ADCY6: variants seen among roughly 807,000 people sequenced by gnomAD.
The protein encoded by ADCY6 is adenylate cyclase 6.
Under a neutral mutation model 111.6 loss-of-function variants are expected in ADCY6, and 59 were observed. The observed-to-expected ratio is 0.53, with a 90% CI of 0.43 to 0.66. The LOEUF is 0.66. ADCY6 is among the 30% of genes least tolerant of loss of function. ADCY6 has a pLI of 0.00. For missense variants in ADCY6, 1,242 were observed against 1,595.6 expected (o/e 0.78, Z 3.78); for synonymous variants, 576 against 642.9 (o/e 0.90, Z 1.57).
At chr12:48,787,677 C>T (rs1320865828) in intron 1 of ADCY6, among the ~76,000 whole-genome samples, 10 of 152,226 alleles carry the variant, frequency 6.6e-5, no homozygotes, top group Admixed American at 6.5e-4. Flanking sequence ...CCCTCCTCCC[C>T]AGAGTCAGGC....
intron 1 of ADCY6, among the ~76,000 whole-genome samples, chr12:48,788,409 G>A (rs1942020922): frequency 6.6e-6 from 1 of 152,076 alleles, no homozygotes; most frequent in Non-Finnish European, 1.5e-5. Context: ...TGCCCACCCT[G>A]CGGCAGGCCT....
At chr12:48,769,424 A>C (rs1265764127) in intron 20 of ADCY6, among the ~76,000 whole-genome samples, 1 of 151,208 alleles carries the variant, frequency 6.6e-6, no homozygotes, top group South Asian at 2.1e-4. Context: ...AAAAAAAAAA[A>C]AAAAAAAAAA....
chr12:48,785,063 G>A (rs888888943), intron 1 of ADCY6, among the ~76,000 whole-genome samples: 1 of 152,134 alleles, frequency 6.6e-6, no homozygotes. Flanking sequence ...AGCTCCTCCA[G>A]GTCACATCCC....
intron 1 of ADCY6, among the ~76,000 whole-genome samples, chr12:48,784,674 T>TTTTTTTTTG (rs1941945495): frequency 7.2e-6 from 1 of 138,094 alleles, no homozygotes; most frequent in Non-Finnish European, 1.6e-5. Context: ...AGTTTTTTTT[T>TTTTTTTTTG]TTTTTTTTTT....
chr12:48,787,575 A>G (rs1942003015), intron 1 of ADCY6, among the ~76,000 whole-genome samples: 1 of 152,068 alleles, frequency 6.6e-6, no homozygotes, highest in Non-Finnish European at 1.5e-5. Context: ...AGGGTAGAGC[A>G]CTGTTCCAAG....
intron 9 of ADCY6, 80 bp downstream of exon 9, chr12:48,775,882 CA>C: frequency 6.5e-7 from 1 of 1,541,172 alleles, no homozygotes; most frequent in African/African-American, 1.4e-5. Context: ...ATGGCAGTCA[CA>C]AGAAAGGACA....
chr12:48,773,481 C>T lies in ADCY6; in HGVS notation c.2609G>A (p.Gly870Asp). ...TIFDNYDLLL[G>D]VHGLASSNET... Reference sequence around the variant, plus strand: ...AGAATAAACTCACAAGCCATGGACGCCAAGCAGTAGGTCATAGTTGTCAAA... The same window carrying T: ...AGAATAAACTCACAAGCCATGGACGTCAAGCAGTAGGTCATAGTTGTCAAA... The change falls in exon 16 of 22, where the codon GGC (glycine) becomes GAC (aspartate). Residue 870 changes from glycine (G) to aspartate (D), a missense_variant. By Grantham distance (94) the Gly-to-Asp change is moderately conservative (BLOSUM62 -1). This residue lies in a region of ADCY6 where 375 missense variants were observed against 432.5 expected (regional missense o/e 0.87). Transcript: ENST00000357869. 6.2e-7 allele frequency: 1 copy of T among 1,613,756 alleles called. No homozygotes were observed. The highest frequency in any genetic ancestry group is 1.3e-5 in the African/African-American group (1 of 74,970).
At position 48,776,004 on chromosome 12, in the gene ADCY6, C is replaced by G; in HGVS notation, c.1765G>C (p.Ala589Pro). The G allele has an allele frequency of 2.5e-6, 4 of 1,611,774 alleles. No individual in the cohort carries two copies. The highest frequency in any genetic ancestry group is 1.7e-5 in the Admixed American group (1 of 59,714). ...TTGGAGTCCTTGGTCCGGGAGAAGG[C>G]ACGATCAGGAACCCAGCGCGGCATC... ...GLMPRWVPDR[A>P]FSRTKDSKAF... is the part of the protein sequence containing the mutation. The change falls in exon 9 of 22, where the codon GCC (alanine) becomes CCC (proline). Residue 589 changes from alanine to proline, a missense_variant. By Grantham distance (27) the Ala-to-Pro change is conservative. Around this residue, in one of 4 missense-constraint regions of ADCY6, gnomAD observed 375 missense variants for 432.5 expected, o/e 0.87. Coordinates refer to ENST00000357869, the MANE Select transcript of ADCY6 (RefSeq NM_015270.5). The surrounding 1 kb of genome is among the most constrained non-coding windows in gnomAD (Gnocchi z 6.1).
chr12:48,788,609 C>T (rs1942025569), intron 1 of ADCY6, among the ~76,000 whole-genome samples: 1 of 152,152 alleles, frequency 6.6e-6, no homozygotes, highest in South Asian at 2.1e-4. Flanking sequence ...CCAGCCCCTC[C>T]CCCAGTACGT....
Position 48,782,486 on chromosome 12 carries a change from C to A in ADCY6, c.864+85G>T. 3 of 1,500,674 alleles carry A rather than the reference C, an allele frequency of 2.0e-6. No individual in the cohort carries two copies. Among genetic ancestry groups the A allele is most frequent in the Non-Finnish European group, 2.7e-6 (3 of 1,123,686 alleles). The allele number at this position is 1,500,674 out of a possible 1,614,324, so 93.0% of individuals were successfully genotyped here. A position where few individuals can be genotyped will look rare whatever the true frequency, so the allele number is the denominator to read the frequency against. On this transcript the variant is annotated intron_variant, in intron 2 of 21. Transcript: ENST00000357869. The surrounding 1 kb of genome is among the most constrained non-coding windows in gnomAD (Gnocchi z 4.3). Reference sequence around the variant, plus strand: ...CCAGCTTCCACCCATGACTCACCCGCCCTTCCTCACTAAGCCCCCACCTGC... The same window carrying A: ...CCAGCTTCCACCCATGACTCACCCGACCTTCCTCACTAAGCCCCCACCTGC...
In ADCY6 at chr12:48,771,891, G is replaced by A. The variant is rs1941556432; in HGVS notation, c.2870C>T (p.Ala957Val). The part of the protein sequence containing the change: ...LLHNILPKDV[A>V]AHFLARERRN... ...GCGCTCCCGGGCCAGGAAGTGGGCC[G>A]CCACGTCCTTGGGCAGAATGTTATG... Residue 957 changes from alanine to valine, a missense_variant, in exon 19 of 22, where the codon GCG becomes GTG. Physicochemically the swap from Ala to Val is moderately conservative, Grantham distance 64. This residue lies in a region of ADCY6 where 245 missense variants were observed against 371.3 expected (regional missense o/e 0.66). Transcript: ENST00000357869. This position sits in a 1 kb window ranked among gnomAD's most constrained non-coding sequence, Gnocchi z 4.3. 1.9e-6 allele frequency: 3 copies of A among 1,614,164 alleles called. No individual in the cohort carries two copies. The highest frequency in any genetic ancestry group is 1.7e-6 in the Non-Finnish European group (2 of 1,180,050).
chr12:48,776,839 C>A lies in ADCY6; in HGVS notation c.1377-253G>T, dbSNP rs1324368017. Among the ~76,000 whole-genome samples the A allele has an allele frequency of 6.6e-6, 1 of 152,172 alleles. No homozygotes were observed. The highest frequency in any genetic ancestry group is 2.4e-5 in the African/African-American group (1 of 41,428). On this transcript the variant is annotated intron_variant, in intron 6 of 21. Coordinates refer to ENST00000357869, the MANE Select transcript of ADCY6 (RefSeq NM_015270.5). This position sits in a 1 kb window ranked among gnomAD's most constrained non-coding sequence, Gnocchi z 6.1. ...TAGGAGAAGAGGAATCACTGTTATC[C>A]CCTCTGGCCTGCACAGATGGCATTC...
chr12:48,789,642 G>C (rs1942049219), upstream of ADCY6: 1 of 148,006 alleles, frequency 6.8e-6, no homozygotes, highest in African/African-American at 2.5e-5. Context: ...GCCCTCCCGC[G>C]GGAACTCAGT....
chr12:48,771,921 A>G lies in ADCY6; in HGVS notation c.2840T>C (p.Leu947Pro), dbSNP rs1203468740. 11 of 1,614,158 alleles carry G rather than the reference A, an allele frequency of 6.8e-6. No homozygotes were observed. Among genetic ancestry groups the G allele is most frequent in the Non-Finnish European group, 9.3e-6 (11 of 1,180,022 alleles). Reference protein sequence around the residue: ...MEELQAYNRRLLHNILPKDVA... With the variant: ...MEELQAYNRRPLHNILPKDVA... ...GTCCTTGGGCAGAATGTTATGCAGC[A>G]GCCTCCGGTTGTATGCCTGTAGCTC... The change falls in exon 19 of 22, where the codon CTG becomes CCG. Residue 947 changes from leucine to proline, a missense_variant. Leu to Pro is a moderately conservative substitution (Grantham distance 98). Around this residue, in one of 4 missense-constraint regions of ADCY6, gnomAD observed 245 missense variants for 371.3 expected, o/e 0.66. Coordinates refer to ENST00000357869, the MANE Select transcript of ADCY6 (RefSeq NM_015270.5). The surrounding 1 kb of genome is among the most constrained non-coding windows in gnomAD (Gnocchi z 4.3).
Position 48,773,815 on chromosome 12 carries a change from T to C in ADCY6, c.2442+125A>G, listed in dbSNP as rs1163628676. On this transcript the variant is annotated intron_variant, in intron 15 of 21. Coordinates refer to ENST00000357869, the MANE Select transcript of ADCY6 (RefSeq NM_015270.5). ...CCCTACAACACACCAGGGCCCCTGG[T>C]TGCTCCTAGTGTGGGAGACTCTGGT... 7 of 1,451,234 alleles carry C rather than the reference T, an allele frequency of 4.8e-6. No individual in the cohort carries two copies. In the East Asian group the frequency reaches 1.7e-4, roughly 36 times the overall value. The allele number at this position is 1,451,234 out of a possible 1,614,324, so 89.9% of individuals were successfully genotyped here. A position where few individuals can be genotyped will look rare whatever the true frequency, so the allele number is the denominator to read the frequency against.
chr12:48,783,418 C>G lies in ADCY6; in HGVS notation c.17G>C (p.Gly6Ala). The change falls in exon 2 of 22, where the codon GGC (glycine) becomes GCC (alanine). Residue 6 changes from glycine (G) to alanine (A), a missense_variant. By Grantham distance (60) the Gly-to-Ala change is moderately conservative (BLOSUM62 0). Coordinates refer to ENST00000357869, the MANE Select transcript of ADCY6 (RefSeq NM_015270.5). ...TTCATCCACTTTAGGGACCAGGAGG[C>G]CACTAAACCATGACATGTTGCTGGT... Reference protein sequence around the residue: MSWFSGLLVPKVDERK... With the variant: MSWFSALLVPKVDERK... 1 of 1,614,194 alleles carries G rather than the reference C, an allele frequency of 6.2e-7. No homozygotes were observed. Among genetic ancestry groups the G allele is most frequent in the Non-Finnish European group, 8.5e-7 (1 of 1,180,026 alleles).
At chr12:48,783,615 A>G in intron 1 of ADCY6, 177 bp from the exon 2 acceptor site, 1 of 1,401,730 alleles carries the variant, frequency 7.1e-7, no homozygotes, top group Non-Finnish European at 9.4e-7. Flanking sequence ...ATCCCCAATC[A>G]ACAGGTGAGA....
chr12:48,770,040 C>T (rs181127128), intron 20 of ADCY6, among the ~76,000 whole-genome samples: 169 of 149,982 alleles, frequency 1.1e-3, no homozygotes, highest in African/African-American at 3.9e-3. Context: ...GGATTACAGG[C>T]GTGAGCCACT....
At chr12:48,768,772 AG>A in intron 21 of ADCY6, 56 bp from the exon 22 acceptor site, 7 of 1,594,046 alleles carry the variant, frequency 4.4e-6, no homozygotes, top group Non-Finnish European at 6.0e-6. Flanking sequence ...CTGCATTTGC[AG>A]GGGCCCAGGG....
Sources: gnomAD v4.1 joint callset for allele counts (sites outside exome capture counted in the v4.1 genomes callset) on GRCh38, gnomAD v4.1.1 for gene constraint, gnomAD v4.1.1 regional missense constraint, Gnocchi (gnomAD v3.1) non-coding constraint, MANE v1.5 for transcripts, NCBI Gene and HGNC (gene_info 2026-07-23, HGNC 2026-07-21) for gene names.